SUPT20H: variants seen among roughly 807,000 people sequenced by gnomAD.
The protein encoded by SUPT20H is transcription factor SPT20 homolog.
A neutral mutation model predicts 122.8 loss-of-function variants in SUPT20H; 82 were observed. That is an observed-to-expected ratio of 0.67 (90% CI 0.56 to 0.80). The LOEUF (loss-of-function observed/expected upper bound fraction) is 0.80, where lower values mean the gene tolerates loss of function less well. Among genes scored for constraint, SUPT20H ranks in the 30% least tolerant of loss-of-function variants. The pLI, the probability that SUPT20H is intolerant of heterozygous loss-of-function variation, is 0.00. For missense variants in SUPT20H, 831 were observed against 921.6 expected (o/e 0.90, Z 1.27); for synonymous variants, 291 against 313.0 (o/e 0.93, Z 0.74).
chr13:37,055,825 C>T (rs1167129270), intron 1 of SUPT20H, among the ~76,000 whole-genome samples: 1 of 152,152 alleles, frequency 6.6e-6, no homozygotes, highest in Non-Finnish European at 1.5e-5. Flanking sequence ...TCAGAGTGAA[C>T]AGGCAACCTA....
intron 9 of SUPT20H, chr13:37,038,740 A>G (rs564771577): frequency 2.0e-5 from 3 of 152,230 alleles, no homozygotes; most frequent in Non-Finnish European, 4.4e-5. Flanking sequence ...AAAACTATAC[A>G]TAGGTTTCAA....
intron 21 of SUPT20H, among the ~76,000 whole-genome samples, chr13:37,019,879 G>T (rs2061201368): frequency 6.6e-6 from 1 of 151,964 alleles, no homozygotes; most frequent in African/African-American, 2.4e-5. Context: ...GTTGCAATTT[G>T]TGTATAAAGA....
chr13:37,026,866 A>T, intron 14 of SUPT20H, 50 bp from the exon 15 acceptor site: 2 of 1,207,504 alleles, frequency 1.7e-6, no homozygotes, highest in Non-Finnish European at 2.2e-6. Context: ...CTCAAACTTT[A>T]ACTTCATAGT....
chr13:37,021,916 A>T, intron 20 of SUPT20H, 95 bp downstream of exon 20: 1 of 1,375,890 alleles, frequency 7.3e-7, no homozygotes, highest in Non-Finnish European at 9.9e-7. Flanking sequence ...TCTGAGTAAT[A>T]TGCGGTTTGT....
At chr13:37,028,111 T>C (rs1007976617) in intron 14 of SUPT20H, 37 bp downstream of exon 14, 9 of 1,513,048 alleles carry the variant, frequency 5.9e-6, no homozygotes, top group Non-Finnish European at 7.9e-6. Flanking sequence ...GTGCCTTATT[T>C]TTTTTTTTCC....
At position 37,058,809 on chromosome 13, in the gene SUPT20H, A is replaced by G. The variant is rs561061980; in HGVS notation, c.-94+750T>C. Among the ~76,000 whole-genome samples, 3 of 152,342 alleles carry G rather than the reference A, an allele frequency of 2.0e-5. No individual in the cohort carries two copies. In the East Asian group the frequency reaches 5.8e-4, roughly 29 times the overall value. On this transcript the variant is annotated intron_variant, in intron 1 of 25. Transcript: ENST00000350612. ...TTTTACATTTCTTTAAAAAAAGCAA[A>G]GCAATTAAAAAAAGGACCCAATTCT...
chr13:37,041,166 A>G (rs186891925), intron 7 of SUPT20H, among the ~76,000 whole-genome samples: 33 of 152,364 alleles, frequency 2.2e-4, no homozygotes, highest in Admixed American at 5.2e-4. Context: ...TTTCAGAAAT[A>G]TAATTTTGCC....
At chr13:37,013,048 G>T (rs1375554375) in intron 23 of SUPT20H, 9 of 152,050 alleles carry the variant, frequency 5.9e-5, no homozygotes, top group Non-Finnish European at 1.0e-4. Context: ...CCCCCAAACT[G>T]ATCAACAAGT....
Position 37,010,589 on chromosome 13 carries a change from A to G in SUPT20H, c.2165T>C (p.Leu722Pro), listed in dbSNP as rs757096206. Residue 722 changes from leucine to proline, a missense_variant, in exon 25 of 26, where the codon CTC becomes CCC. Leu to Pro is a moderately conservative substitution (Grantham distance 98, BLOSUM62 -3). Transcript: ENST00000350612. ...CTGCTGCTGTTGAAAGGCAGAGGAG[A>G]GCTGGAATCTCTGCTGAGGAAGGCT... ...EQSLPQQRFQLSSAFQQQQQQ... is the reference protein window; with the variant it reads ...EQSLPQQRFQPSSAFQQQQQQ... The G allele has an allele frequency of 5.6e-6, 9 of 1,613,684 alleles. No individual in the cohort carries two copies. In the African/African-American group the frequency reaches 1.2e-4, roughly 22 times the overall value.
chr13:37,033,190 C>T (rs1490751129), intron 10 of SUPT20H, among the ~76,000 whole-genome samples: 1 of 150,962 alleles, frequency 6.6e-6, no homozygotes, highest in Non-Finnish European at 1.5e-5. Context: ...ATTAAGAATC[C>T]TATTTTCAAA....
At chr13:37,036,368 A>C (rs2138357673) in intron 9 of SUPT20H, among the ~76,000 whole-genome samples, 1 of 149,788 alleles carries the variant, frequency 6.7e-6, no homozygotes, top group African/African-American at 2.4e-5. Context: ...CTCTGTCGCC[A>C]GGTTGGAGTG....
At position 37,022,971 on chromosome 13, in the gene SUPT20H, C is replaced by CAAAAACA. The variant is rs2061629071; in HGVS notation, c.1592-898_1592-892dup. 1 of 1,249,032 alleles carries CAAAAACA rather than the reference C, an allele frequency of 8.0e-7. No individual in the cohort carries two copies. Among genetic ancestry groups the CAAAAACA allele is most frequent in the African/African-American group, 1.6e-5 (1 of 63,656 alleles). 77.4% of individuals were successfully genotyped at this position (1,249,032 alleles called of 1,614,324 possible). On this transcript the variant is annotated intron_variant, in intron 19 of 25. Coordinates refer to ENST00000350612, the MANE Select transcript of SUPT20H (RefSeq NM_001014286.3). This position sits in a 1 kb window ranked among gnomAD's most constrained non-coding sequence, Gnocchi z 4.5. ...CACAGTTTATCAATTTTTTAAAAAA[C>CAAAAACA]AAAAACAAAAAACAAAAACCAAAAA... is the stretch of plus-strand genomic sequence containing the variant.
chr13:37,022,345 T>A lies in SUPT20H; in HGVS notation c.1592-265A>T. 1 of 1,353,144 alleles carries A rather than the reference T, an allele frequency of 7.4e-7. No homozygotes were observed. The highest frequency in any genetic ancestry group is 9.5e-7 in the Non-Finnish European group (1 of 1,052,472). 83.8% of individuals were successfully genotyped at this position (1,353,144 alleles called of 1,614,324 possible). On this transcript the variant is annotated intron_variant, in intron 19 of 25. Coordinates refer to ENST00000350612, the MANE Select transcript of SUPT20H (RefSeq NM_001014286.3). This position sits in a 1 kb window ranked among gnomAD's most constrained non-coding sequence, Gnocchi z 4.5. Reference sequence around the variant, plus strand: ...GCTCATTGAGAAAAATAAAAATTGCTAGTTTGTTATAAATGGCCAGTCCTT... The same window carrying A: ...GCTCATTGAGAAAAATAAAAATTGCAAGTTTGTTATAAATGGCCAGTCCTT...
chr13:37,024,517 C>T, intron 17 of SUPT20H, 75 bp from the exon 18 acceptor site: 2 of 1,000,190 alleles, frequency 2.0e-6, no homozygotes, highest in South Asian at 5.4e-5. Flanking sequence ...TTATATTTAA[C>T]TTCATAGTTT....
intron 22 of SUPT20H, among the ~76,000 whole-genome samples, chr13:37,018,660 C>T (rs751459539): frequency 2.0e-5 from 3 of 152,090 alleles, no homozygotes; most frequent in Non-Finnish European, 4.4e-5. Flanking sequence ...AATTCACCCC[C>T]CTTGTTTTTC....
chr13:37,044,365 G>GA (rs1056564974), intron 6 of SUPT20H, among the ~76,000 whole-genome samples, 184 bp from the exon 7 acceptor site: 13 of 146,744 alleles, frequency 8.9e-5, no homozygotes, highest in Admixed American at 2.0e-4. Context: ...TCTTAAGGGG[G>GA]AAAAAAAAAA....
At chr13:37,049,696 G>T (rs1392360989) in intron 2 of SUPT20H, among the ~76,000 whole-genome samples, 4 of 152,116 alleles carry the variant, frequency 2.6e-5, no homozygotes, top group Non-Finnish European at 5.9e-5. Flanking sequence ...CCCAGATCGT[G>T]CTATTGTACT....
chr13:37,049,132 C>T (rs2785620), intron 2 of SUPT20H, among the ~76,000 whole-genome samples: 140,387 of 152,194 alleles, frequency 0.92, 64,828 homozygotes, highest in East Asian at 1. Flanking sequence ...TCAATGAATT[C>T]AAGATGCCAT....
At chr13:37,042,483 T>C (rs1230679624) in intron 7 of SUPT20H, among the ~76,000 whole-genome samples, 1 of 151,992 alleles carries the variant, frequency 6.6e-6, no homozygotes, top group East Asian at 1.9e-4. Flanking sequence ...TGTTTATGGA[T>C]GGAACAGGGA....
Sources: gnomAD v4.1 joint callset for allele counts (sites outside exome capture counted in the v4.1 genomes callset) on GRCh38, gnomAD v4.1.1 for gene constraint, Gnocchi (gnomAD v3.1) non-coding constraint, MANE v1.5 for transcripts, NCBI Gene and HGNC (gene_info 2026-07-23, HGNC 2026-07-21) for gene names.